The following PLOD1 variants were observed in gnomAD, a reference collection of about 807,000 sequenced individuals.
The protein encoded by PLOD1 is lysine hydroxylase.
Under a neutral mutation model 94.7 loss-of-function variants are expected in PLOD1, and 70 were observed. The observed-to-expected ratio is 0.74, with a 90% CI of 0.61 to 0.90. The LOEUF (loss-of-function observed/expected upper bound fraction) is 0.90, where lower values mean the gene tolerates loss of function less well. Ranked by LOEUF, PLOD1 falls within the 40% of genes least tolerant of loss-of-function variation. PLOD1 has a pLI of 0.00. For synonymous variants in PLOD1, 417 were observed against 400.2 expected, an observed-to-expected ratio of 1.04 and a Z score of -0.50; for missense variants, 905 against 972.7, an observed-to-expected ratio of 0.93 and a Z score of 0.93.
intron 16 of PLOD1, among the ~76,000 whole-genome samples, chr1:11,968,688 A>G (rs538509689): frequency 1.4e-5 from 2 of 146,836 alleles, no homozygotes; most frequent in African/African-American, 2.5e-5. Flanking sequence ...TAATTTTTGT[A>G]TATTTAGTAG....
In PLOD1 at chr1:11,972,854, C is replaced by T. The variant is rs750758605; in HGVS notation, c.1903-18C>T. ...CCTTAACTAACACGGGCTCTCTTGT[C>T]CCCCTGCCTTGGTACAGGCCCAGTT... On this transcript the variant is annotated intron_variant, in intron 17 of 18. Transcript: ENST00000196061. The surrounding 1 kb of genome is among the most constrained non-coding windows in gnomAD (Gnocchi z 4.6). The T allele has an allele frequency of 2.0e-5, 32 of 1,613,744 alleles. No homozygotes were observed. Among genetic ancestry groups the T allele is most frequent in the Non-Finnish European group, 2.6e-5 (31 of 1,179,770 alleles).
intron 3 of PLOD1, 38 bp downstream of exon 3, chr1:11,949,944 C>T (rs200927088): frequency 6.9e-6 from 11 of 1,605,264 alleles, no homozygotes; most frequent in East Asian, 4.5e-5. Flanking sequence ...GGCCCCTCCG[C>T]GGAAGATAGA....
In PLOD1 at chr1:11,934,810, GGCTGGCTGCT is replaced by G; in HGVS notation, c.38_47del (p.Leu13ProfsTer14). 1 of 1,541,130 alleles carries G rather than the reference GGCTGGCTGCT, an allele frequency of 6.5e-7. No individual in the cohort carries two copies. The highest frequency in any genetic ancestry group is 8.7e-7 in the Non-Finnish European group (1 of 1,146,046). ...GCCCCTGCTGCTACTGGCCCTGCTGGGCTGGCTGCTGCTGGCCGAAGCGAAGGGCGACGCC... is the reference window on the plus strand; with the variant it reads ...GCCCCTGCTGCTACTGGCCCTGCTGGGCTGGCCGAAGCGAAGGGCGACGCC... On this transcript the variant is annotated frameshift_variant, in exon 1 of 19. Coordinates refer to ENST00000196061, the MANE Select transcript of PLOD1 (RefSeq NM_000302.4). LOFTEE classifies it high-confidence loss of function.
chr1:11,955,631 TC>T (rs1645732951), intron 6 of PLOD1, among the ~76,000 whole-genome samples: 2 of 152,020 alleles, frequency 1.3e-5, no homozygotes, highest in South Asian at 2.1e-4. Flanking sequence ...CCTTTTTTTT[TC>T]TTCTTTTTTA....
intron 5 of PLOD1, 145 bp from the exon 6 acceptor site, chr1:11,954,685 C>T: frequency 1.3e-6 from 1 of 785,174 alleles, no homozygotes; most frequent in Non-Finnish European, 2.4e-6. Context: ...TCTCTGGGCA[C>T]CTAGCTGCCC....
chr1:11,939,449 C>T (rs1033605705), intron 1 of PLOD1, among the ~76,000 whole-genome samples: 10 of 152,094 alleles, frequency 6.6e-5, no homozygotes, highest in Non-Finnish European at 1.2e-4. Flanking sequence ...TGACTCAGGC[C>T]ACACAGTGAC....
Position 11,972,052 on chromosome 1 carries a change from T to C in PLOD1, c.1903-820T>C, listed in dbSNP as rs999926028. 6.6e-6 allele frequency: 1 copy of C among 152,216 alleles called. No individual in the cohort carries two copies. Among genetic ancestry groups the C allele is most frequent in the Non-Finnish European group, 1.5e-5 (1 of 68,082 alleles). 9.4% of individuals were successfully genotyped at this position (152,216 alleles called of 1,614,324 possible). ...AAGACTCAGTTCCTTCCTTGGTCTCTGGTTTCTCCAGATACCTGCCCATGG... is the reference window on the plus strand; with the variant it reads ...AAGACTCAGTTCCTTCCTTGGTCTCCGGTTTCTCCAGATACCTGCCCATGG... On this transcript the variant is annotated intron_variant, in intron 17 of 18. Coordinates refer to ENST00000196061, the MANE Select transcript of PLOD1 (RefSeq NM_000302.4). The surrounding 1 kb of genome is among the most constrained non-coding windows in gnomAD (Gnocchi z 4.6).
intron 1 of PLOD1, 38 bp from the exon 2 acceptor site, chr1:11,947,938 C>T (rs746747050): frequency 6.0e-6 from 8 of 1,327,282 alleles, no homozygotes; most frequent in South Asian, 1.2e-5. Context: ...CCTCCCTCAT[C>T]CTCCATTCCC....
intron 16 of PLOD1, among the ~76,000 whole-genome samples, chr1:11,968,315 A>G (rs538940228): frequency 2.6e-5 from 4 of 152,006 alleles, no homozygotes; most frequent in East Asian, 1.9e-4. Flanking sequence ...ATTTATTTCC[A>G]TAGGATTTTG....
intron 4 of PLOD1, 30 bp from the exon 5 acceptor site, chr1:11,952,593 G>T (rs778737415): frequency 1.3e-6 from 2 of 1,531,190 alleles, no homozygotes; most frequent in African/African-American, 1.4e-5. Context: ...CTAAGGGTCC[G>T]TCTTGGTGTC....
chr1:11,952,966 C>A (rs1645713777), intron 5 of PLOD1, among the ~76,000 whole-genome samples: 1 of 152,184 alleles, frequency 6.6e-6, no homozygotes, highest in Non-Finnish European at 1.5e-5. Context: ...AGCCCTCTAA[C>A]TGGTACAGAC....
intron 1 of PLOD1, 131 bp downstream of exon 1, chr1:11,934,986 A>G (rs1432313793): frequency 8.6e-7 from 1 of 1,159,730 alleles, no homozygotes; most frequent in Non-Finnish European, 1.2e-6. Context: ...CTCCTTGTCC[A>G]CTTAATCGCT....
chr1:11,957,153 C>T lies in PLOD1; in HGVS notation c.741+139C>T, dbSNP rs758893548. On this transcript the variant is annotated intron_variant, in intron 7 of 18. Transcript: ENST00000196061. The surrounding 1 kb of genome is among the most constrained non-coding windows in gnomAD (Gnocchi z 4.1). ...TATGAACTCACTGCCTCTGTCCTCA[C>T]ATCTGAGCTCAGCGTGATGCCTTCT... is the stretch of plus-strand genomic sequence containing the variant. 12 of 771,630 alleles carry T rather than the reference C, an allele frequency of 1.6e-5. No homozygotes were observed. Among genetic ancestry groups the T allele is most frequent in the Non-Finnish European group, 2.9e-5 (12 of 413,722 alleles). 47.8% of individuals were successfully genotyped at this position (771,630 alleles called of 1,614,324 possible).
Position 11,960,787 on chromosome 1 carries a change from ACT to A in PLOD1, c.1097+24_1097+25del. ...GGGCGCGTGAGTTGTGGGCCACAGT[ACT>A]CTCCACTGACAGTGGGGGCAGGGGA... On this transcript the variant is annotated intron_variant, in intron 10 of 18. Coordinates refer to ENST00000196061, the MANE Select transcript of PLOD1 (RefSeq NM_000302.4). 1 of 1,611,846 alleles carries A rather than the reference ACT, an allele frequency of 6.2e-7. No individual in the cohort carries two copies.
At chr1:11,938,166 T>A (rs1375703217) in intron 1 of PLOD1, among the ~76,000 whole-genome samples, 1 of 99,306 alleles carries the variant, frequency 1.0e-5, no homozygotes, top group Non-Finnish European at 2.0e-5. Flanking sequence ...TTAGCCAGGC[T>A]GGTCTCAATC....
Position 11,960,773 on chromosome 1 carries a change from T to C in PLOD1, c.1097+6T>C. On this transcript the variant is annotated splice_donor_region_variant and intron_variant, in intron 10 of 18. Transcript: ENST00000196061. ...GATGCCAGGAACATGGGCGCGTGAG[T>C]TGTGGGCCACAGTACTCTCCACTGA... The C allele has an allele frequency of 6.2e-7, 1 of 1,612,054 alleles. No individual in the cohort carries two copies. The highest frequency in any genetic ancestry group is 8.5e-7 in the Non-Finnish European group (1 of 1,179,770).
At chr1:11,939,805 G>A (rs1411151365) in intron 1 of PLOD1, among the ~76,000 whole-genome samples, 3 of 151,916 alleles carry the variant, frequency 2.0e-5, no homozygotes, top group Admixed American at 6.6e-5. Context: ...ATGGGGTTTC[G>A]CCATGTTGGC....
chr1:11,937,118 G>T (rs1336115947), intron 1 of PLOD1, among the ~76,000 whole-genome samples: 1 of 152,288 alleles, frequency 6.6e-6, no homozygotes, highest in East Asian at 1.9e-4. Context: ...AAAGTACCGG[G>T]ATTACAGGCG....
intron 9 of PLOD1, among the ~76,000 whole-genome samples, chr1:11,959,449 T>TC (rs1298090030): frequency 1.3e-5 from 2 of 149,304 alleles, no homozygotes; most frequent in Non-Finnish European, 3.0e-5. Flanking sequence ...TCTTTTCTTT[T>TC]TTTTTTTTTT....
Sources: allele counts gnomAD v4.1 joint callset (sites outside exome capture counted in the v4.1 genomes callset), GRCh38; gene constraint gnomAD v4.1.1; non-coding constraint Gnocchi (gnomAD v3.1); transcripts MANE v1.5; gene names NCBI Gene and HGNC (gene_info 2026-07-23, HGNC 2026-07-21).